The following DLG2 variants were observed in gnomAD, a reference collection of about 807,000 sequenced individuals.
The protein encoded by DLG2 is disks large homolog 2.
A neutral mutation model predicts 132.5 loss-of-function variants in DLG2; 45 were observed. The observed-to-expected ratio is 0.34, with a 90% confidence interval of 0.27 to 0.44. The LOEUF (loss-of-function observed/expected upper bound fraction) is 0.44, where lower values mean the gene tolerates loss of function less well. Among genes scored for constraint, DLG2 ranks in the 20% least tolerant of loss-of-function variants. The pLI, the probability that DLG2 is intolerant of heterozygous loss-of-function variation, is 1.00. For synonymous variants in DLG2, 424 were observed against 419.6 expected, an observed-to-expected ratio of 1.01 and a Z score of -0.13; for missense variants, 1,045 against 1,196.9, an observed-to-expected ratio of 0.87 and a Z score of 1.87.
chr11:84,213,897 C>T (rs1480361907), intron 8 of DLG2, among the ~76,000 whole-genome samples: 1 of 143,528 alleles, frequency 7.0e-6, no homozygotes, highest in East Asian at 2.1e-4. Context: ...GTCTGAGAAA[C>T]ACTGTGGTTT....
chr11:84,377,605 GAA>G (rs1567463046), intron 7 of DLG2, among the ~76,000 whole-genome samples: 2 of 151,900 alleles, frequency 1.3e-5, no homozygotes, highest in African/African-American at 4.8e-5. Flanking sequence ...TAAAAAGAAA[GAA>G]GAAGAACAAG....
chr11:85,273,478 T>G (rs2077678000), intron 4 of DLG2, among the ~76,000 whole-genome samples: 1 of 152,156 alleles, frequency 6.6e-6, no homozygotes, highest in Non-Finnish European at 1.5e-5. Context: ...AGAAGACATC[T>G]ATGTAGCCAA....
intron 14 of DLG2, among the ~76,000 whole-genome samples, chr11:83,952,346 C>CA (rs902214673): frequency 2.0e-5 from 3 of 150,058 alleles, no homozygotes; most frequent in Non-Finnish European, 3.0e-5. Context: ...GACCCTGCCT[C>CA]AAAAAAAAGA....
At chr11:84,943,170 G>A in intron 6 of DLG2, among the ~76,000 whole-genome samples, 2 of 51,804 alleles carry the variant, frequency 3.9e-5, no homozygotes, top group East Asian at 1.1e-3. Context: ...GTGTGTGCGT[G>A]TGTGTGTGTG....
chr11:84,861,130 A>G (rs1282984515), intron 6 of DLG2, among the ~76,000 whole-genome samples: 4 of 152,150 alleles, frequency 2.6e-5, no homozygotes, highest in Non-Finnish European at 4.4e-5. Context: ...TAGGAACAAA[A>G]AAGGACATAC....
At chr11:85,213,517 G>T (rs545427848) in intron 4 of DLG2, among the ~76,000 whole-genome samples, 1 of 152,186 alleles carries the variant, frequency 6.6e-6, no homozygotes, top group African/African-American at 2.4e-5. Context: ...GAATGTCTGG[G>T]GTATGAGAAG....
chr11:83,839,468 A>G (rs2057054326), intron 16 of DLG2, among the ~76,000 whole-genome samples: 1 of 152,178 alleles, frequency 6.6e-6, no homozygotes, highest in South Asian at 2.1e-4. Context: ...CTGTTAGAGG[A>G]TCAAAGCCCT....
At chr11:84,409,995 C>T (rs553268392) in intron 7 of DLG2, among the ~76,000 whole-genome samples, 11 of 152,180 alleles carry the variant, frequency 7.2e-5, no homozygotes, top group Admixed American at 2.0e-4. Flanking sequence ...TAATGTCATC[C>T]TTTTAGAGAA....
At chr11:85,239,927 A>G (rs1565202272) in intron 4 of DLG2, among the ~76,000 whole-genome samples, 1 of 151,948 alleles carries the variant, frequency 6.6e-6, no homozygotes, top group Non-Finnish European at 1.5e-5. Context: ...AGGACTAGAA[A>G]TTGCTGGCTC....
intron 15 of DLG2, among the ~76,000 whole-genome samples, chr11:83,928,247 G>T (rs1172586272): frequency 6.6e-6 from 1 of 151,844 alleles, no homozygotes; most frequent in Non-Finnish European, 1.5e-5. Context: ...CAGAATTAGG[G>T]TGTGTAATTT....
intron 6 of DLG2, among the ~76,000 whole-genome samples, chr11:84,548,955 T>C (rs2099396279): frequency 6.6e-6 from 1 of 152,218 alleles, no homozygotes; most frequent in South Asian, 2.1e-4. Context: ...CATATATTTC[T>C]TTGAGGAATA....
chr11:84,648,517 T>C (rs2099677539), intron 6 of DLG2, among the ~76,000 whole-genome samples: 1 of 152,120 alleles, frequency 6.6e-6, no homozygotes, highest in Admixed American at 6.6e-5. Flanking sequence ...TGGATGTTTG[T>C]CTCCTCCGCA....
At chr11:84,660,090 T>C (rs10898283) in intron 6 of DLG2, among the ~76,000 whole-genome samples, 60,108 of 151,770 alleles carry the variant, frequency 0.4, 12,816 homozygotes, top group African/African-American at 0.56. Context: ...ATACTGTTCA[T>C]AAGGCTGAAA....
intron 9 of DLG2, among the ~76,000 whole-genome samples, chr11:84,138,630 T>C (rs73515763): frequency 0.079 from 12,074 of 152,206 alleles, 688 homozygotes; most frequent in African/African-American, 0.16. Flanking sequence ...AATTCAGGAA[T>C]AGAGAAACAT....
chr11:84,275,621 C>G (rs956454352), intron 7 of DLG2, among the ~76,000 whole-genome samples: 14 of 152,310 alleles, frequency 9.2e-5, no homozygotes, highest in Non-Finnish European at 1.8e-4. Flanking sequence ...TCCCAAAGTG[C>G]TGGGATTACA....
chr11:85,106,724 T>C (rs551015864), intron 6 of DLG2, among the ~76,000 whole-genome samples: 1 of 152,000 alleles, frequency 6.6e-6, no homozygotes, highest in African/African-American at 2.4e-5. Flanking sequence ...AGGTAAATTG[T>C]CCAAGGTCAT....
chr11:84,875,164 A>C (rs1297288940), intron 6 of DLG2, among the ~76,000 whole-genome samples: 1 of 152,098 alleles, frequency 6.6e-6, no homozygotes, highest in Non-Finnish European at 1.5e-5. Context: ...AGAATGACGG[A>C]GGAGGGGATT....
chr11:84,197,181 AT>A (rs2096533327), intron 8 of DLG2, among the ~76,000 whole-genome samples: 1 of 152,028 alleles, frequency 6.6e-6, no homozygotes. Flanking sequence ...CCCAAGGTAT[AT>A]TAAATATACA....
chr11:85,612,929 G>A (rs2081100118), intron 2 of DLG2, among the ~76,000 whole-genome samples: 1 of 152,172 alleles, frequency 6.6e-6, no homozygotes, highest in South Asian at 2.1e-4. Flanking sequence ...TTTGGCAGCA[G>A]TGACTCTCCA....
Sources: allele counts gnomAD v4.1 joint callset (sites outside exome capture counted in the v4.1 genomes callset), GRCh38; gene constraint gnomAD v4.1.1; transcripts MANE v1.5; gene names NCBI Gene and HGNC (gene_info 2026-07-23, HGNC 2026-07-21).